The following ABTB3 variants were observed in gnomAD, a reference collection of about 807,000 sequenced individuals.
ABTB3 encodes ankyrin repeat and BTB domain containing 3.
the ABTB3 span, among the ~76,000 whole-genome samples, chr12:107,436,762 G>A: frequency 6.6e-6 from 1 of 152,138 alleles, no homozygotes; most frequent in Non-Finnish European, 1.5e-5. Flanking sequence ...GCGCACAGCC[G>A]AGCACCTAGC....
chr12:107,576,570 A>T, the ABTB3 span, among the ~76,000 whole-genome samples: 2,354 of 152,260 alleles, frequency 0.015, 58 homozygotes, highest in African/African-American at 0.052. Flanking sequence ...TTACCTCTTC[A>T]AAGGCTCTCT....
the ABTB3 span, among the ~76,000 whole-genome samples, chr12:107,493,204 G>A: frequency 6.6e-6 from 1 of 152,192 alleles, no homozygotes; most frequent in Non-Finnish European, 1.5e-5. Context: ...GGTCCTTGCA[G>A]GGAAGCATGG....
At chr12:107,520,209 G>A in the ABTB3 span, 29 of 985,286 alleles carry the variant, frequency 2.9e-5, no homozygotes, top group Non-Finnish European at 3.4e-5. Flanking sequence ...CCAGGCCCGA[G>A]GAGAGGATTC....
At chr12:107,356,016 T>C in the ABTB3 span, among the ~76,000 whole-genome samples, 2 of 152,230 alleles carry the variant, frequency 1.3e-5, no homozygotes, top group Non-Finnish European at 2.9e-5. Flanking sequence ...TTAAAAAGGC[T>C]GTAGCACAGA....
the ABTB3 span, among the ~76,000 whole-genome samples, chr12:107,467,392 C>G: frequency 6.6e-6 from 1 of 152,150 alleles, no homozygotes; most frequent in African/African-American, 2.4e-5. Flanking sequence ...TCCCTTGTCC[C>G]CCACAAGCCT....
chr12:107,581,247 T>A, the ABTB3 span: 1 of 1,520,530 alleles, frequency 6.6e-7, no homozygotes, highest in Non-Finnish European at 8.8e-7. Flanking sequence ...AGCGACGACG[T>A]CCGCCAGGCG....
At chr12:107,612,399 G>C in the ABTB3 span, among the ~76,000 whole-genome samples, 1 of 152,214 alleles carries the variant, frequency 6.6e-6, no homozygotes, top group South Asian at 2.1e-4. Context: ...AAGAGAAAAT[G>C]TCAGATAAAT....
the ABTB3 span, among the ~76,000 whole-genome samples, chr12:107,633,307 G>A: frequency 1.4e-4 from 21 of 152,314 alleles, no homozygotes; most frequent in Middle Eastern, 0.01. Flanking sequence ...CACCGAGTCT[G>A]CGGGCACGCT....
At chr12:107,415,632 C>T in the ABTB3 span, among the ~76,000 whole-genome samples, 3 of 151,646 alleles carry the variant, frequency 2.0e-5, no homozygotes, top group Non-Finnish European at 2.9e-5. Flanking sequence ...GGCGTGAACC[C>T]AGGAGGCAGA....
At chr12:107,386,668 C>T in the ABTB3 span, among the ~76,000 whole-genome samples, 1 of 152,182 alleles carries the variant, frequency 6.6e-6, no homozygotes. Flanking sequence ...GAGCCCACAG[C>T]CCTGACTGAT....
the ABTB3 span, among the ~76,000 whole-genome samples, chr12:107,454,016 TCA>T: frequency 6.6e-6 from 1 of 152,264 alleles, no homozygotes; most frequent in South Asian, 2.1e-4. Flanking sequence ...TAAGGGGAAA[TCA>T]AGAATGCAGC....
chr12:107,375,749 A>C, the ABTB3 span, among the ~76,000 whole-genome samples: 2 of 151,248 alleles, frequency 1.3e-5, no homozygotes, highest in Non-Finnish European at 1.5e-5. Flanking sequence ...CCTCCCTTCC[A>C]CCTCCACTGC....
chr12:107,572,263 G>C, the ABTB3 span, among the ~76,000 whole-genome samples: 1 of 151,970 alleles, frequency 6.6e-6, no homozygotes, highest in South Asian at 2.1e-4. Context: ...CAAAAGCTGA[G>C]AGGGGCAAGG....
chr12:107,504,012 T>C, the ABTB3 span, among the ~76,000 whole-genome samples: 1 of 152,140 alleles, frequency 6.6e-6, no homozygotes, highest in African/African-American at 2.4e-5. Flanking sequence ...CTTGGCTGGA[T>C]AGGGCCCTGC....
the ABTB3 span, among the ~76,000 whole-genome samples, chr12:107,365,571 G>C: frequency 6.6e-6 from 1 of 152,244 alleles, no homozygotes; most frequent in South Asian, 2.1e-4. Flanking sequence ...GCTGATACAA[G>C]CACCTACCAA....
At chr12:107,626,870 CAA>C in the ABTB3 span, among the ~76,000 whole-genome samples, 21 of 152,080 alleles carry the variant, frequency 1.4e-4, no homozygotes, top group Admixed American at 3.3e-4. Flanking sequence ...GATCAAATGC[CAA>C]AAGTATCAAA....
At chr12:107,408,016 C>T in the ABTB3 span, among the ~76,000 whole-genome samples, 20 of 151,918 alleles carry the variant, frequency 1.3e-4, no homozygotes, top group African/African-American at 4.1e-4. Flanking sequence ...GTCGTTGCAA[C>T]GAAATAAATA....
At chr12:107,582,035 T>C in the ABTB3 span, among the ~76,000 whole-genome samples, 1 of 152,072 alleles carries the variant, frequency 6.6e-6, no homozygotes, top group African/African-American at 2.4e-5. Context: ...TCCTACCCAC[T>C]TGATGGGAAA....
At chr12:107,328,814 G>A in the ABTB3 span, among the ~76,000 whole-genome samples, 6 of 152,230 alleles carry the variant, frequency 3.9e-5, no homozygotes, top group Non-Finnish European at 7.3e-5. Flanking sequence ...GGGCCCCCAG[G>A]AGGATCCCAG....
Sources: gnomAD v4.1 joint callset for allele counts (sites outside exome capture counted in the v4.1 genomes callset) on GRCh38, gnomAD v4.1.1 for gene constraint, MANE v1.5 for transcripts, NCBI Gene and HGNC (gene_info 2026-07-23, HGNC 2026-07-21) for gene names.